The following PBX1 variants were observed in gnomAD, a reference collection of about 807,000 sequenced individuals.
PBX1 encodes the protein PBX homeobox 1, also known as pre-B-cell leukemia transcription factor 1.
A neutral mutation model predicts 53.4 loss-of-function variants in PBX1; 6 were observed. The ratio of observed to expected loss-of-function variants is 0.11; its 90% confidence interval spans 0.06 to 0.22. The LOEUF is 0.22. PBX1 is among the 10% of genes least tolerant of loss of function. PBX1 has a pLI of 1.00. For missense variants in PBX1, 251 were observed against 551.4 expected (o/e 0.46, Z 5.46); for synonymous variants, 204 against 212.3 (o/e 0.96, Z 0.34).
At chr1:164,884,445 C>A (rs530778063) in intron 2 of PBX1, 2 of 358,592 alleles carry the variant, frequency 5.6e-6, no homozygotes, top group African/African-American at 2.2e-5. Flanking sequence ...AAACTGAAAT[C>A]GGTCAATTTG....
intron 8 of PBX1, among the ~76,000 whole-genome samples, chr1:164,835,019 G>T (rs1301821192): frequency 1.3e-5 from 2 of 152,140 alleles, no homozygotes; most frequent in African/African-American, 4.8e-5. Context: ...TAGCCTTCTA[G>T]CACTTTATGT....
intron 4 of PBX1, among the ~76,000 whole-genome samples, chr1:164,806,958 G>A (rs373051338): frequency 6.6e-6 from 1 of 152,244 alleles, no homozygotes; most frequent in East Asian, 1.9e-4. Context: ...AATTGACCGA[G>A]GATTCAAAAC....
intron 2 of PBX1, among the ~76,000 whole-genome samples, chr1:164,754,331 G>T (rs899042542): frequency 2.0e-5 from 3 of 152,180 alleles, no homozygotes; most frequent in African/African-American, 7.2e-5. Flanking sequence ...AGAAAGAGCC[G>T]CAGTAGGAGC....
intron 2 of PBX1, among the ~76,000 whole-genome samples, chr1:164,637,254 C>T (rs766811935): frequency 2.6e-5 from 4 of 152,204 alleles, no homozygotes; most frequent in Non-Finnish European, 5.9e-5. Context: ...TATTGACAGA[C>T]TGCTTTCCCT....
At chr1:164,877,944 G>T (rs1316259736) in intron 2 of PBX1, among the ~76,000 whole-genome samples, 1 of 152,050 alleles carries the variant, frequency 6.6e-6, no homozygotes, top group Non-Finnish European at 1.5e-5. Flanking sequence ...ACTAAAGTTA[G>T]CTTGCATTTT....
intron 2 of PBX1, among the ~76,000 whole-genome samples, chr1:164,868,580 G>T (rs1168030527): frequency 1.3e-5 from 2 of 152,192 alleles, no homozygotes; most frequent in African/African-American, 4.8e-5. Flanking sequence ...TGCCATTTTG[G>T]CTTGGAAATG....
At chr1:164,724,133 A>G (rs1325842492) in intron 2 of PBX1, among the ~76,000 whole-genome samples, 1 of 152,176 alleles carries the variant, frequency 6.6e-6, no homozygotes, top group Non-Finnish European at 1.5e-5. Context: ...TGTTGTTTGA[A>G]CAGAAAATGT....
At chr1:164,822,796 A>G (rs896920402) in intron 8 of PBX1, among the ~76,000 whole-genome samples, 1 of 152,198 alleles carries the variant, frequency 6.6e-6, no homozygotes, top group Non-Finnish European at 1.5e-5. Context: ...ATAGGATAGG[A>G]CTACTAAGTA....
Position 164,849,512 on chromosome 1 carries a change from C to A in PBX1, c.*2836C>A. On this transcript the variant is annotated 3_prime_UTR_variant, in exon 9 of 9. Coordinates refer to ENST00000420696, the MANE Select transcript of PBX1 (RefSeq NM_002585.4). ...CCTGGGAATTCACATGAGGCCAGTC[C>A]TACAGAGAGCAAGATGCACCCCAGG... 2 of 1,460,664 alleles carry A rather than the reference C, an allele frequency of 1.4e-6. No homozygotes were observed. Among genetic ancestry groups the A allele is most frequent in the Non-Finnish European group, 1.8e-6 (2 of 1,086,794 alleles). The allele number at this position is 1,460,664 out of a possible 1,614,324, so 90.5% of individuals were successfully genotyped here.
chr1:164,737,389 A>G (rs1171060083), intron 2 of PBX1, among the ~76,000 whole-genome samples: 2 of 152,214 alleles, frequency 1.3e-5, no homozygotes, highest in Non-Finnish European at 2.9e-5. Context: ...TCAATGAGGT[A>G]TAATTCACAT....
intron 2 of PBX1, among the ~76,000 whole-genome samples, chr1:164,570,711 G>A (rs889652864): frequency 1.3e-5 from 2 of 152,152 alleles, no homozygotes; most frequent in Admixed American, 1.3e-4. Context: ...ATAATCCTTT[G>A]TGTATATACG....
At chr1:164,621,134 G>A (rs555914365) in intron 2 of PBX1, among the ~76,000 whole-genome samples, 10 of 152,112 alleles carry the variant, frequency 6.6e-5, no homozygotes, top group African/African-American at 1.7e-4. Context: ...GACTACAGGC[G>A]CGTGACACCA....
At chr1:164,873,978 C>T (rs1289289300) in intron 2 of PBX1, among the ~76,000 whole-genome samples, 1 of 139,086 alleles carries the variant, frequency 7.2e-6, no homozygotes, top group Non-Finnish European at 1.5e-5. Flanking sequence ...TGTGGAGATA[C>T]ATTTGACCCA....
intron 2 of PBX1, among the ~76,000 whole-genome samples, chr1:164,745,025 A>G (rs1665820549): frequency 6.6e-6 from 1 of 152,178 alleles, no homozygotes; most frequent in Admixed American, 6.5e-5. Flanking sequence ...TACTGTTTCT[A>G]TTCCCATTTT....
intron 2 of PBX1, among the ~76,000 whole-genome samples, chr1:164,783,980 A>C (rs1668050652): frequency 6.6e-6 from 1 of 152,212 alleles, no homozygotes; most frequent in Non-Finnish European, 1.5e-5. Context: ...TGTAGAGAGA[A>C]GCTTTCATCT....
intron 2 of PBX1, chr1:164,769,408 AC>A: frequency 6.6e-6 from 1 of 152,324 alleles, no homozygotes; most frequent in East Asian, 1.9e-4. Flanking sequence ...AAGATGCTAT[AC>A]ATAAAGTGGG....
intron 2 of PBX1, among the ~76,000 whole-genome samples, chr1:164,873,859 T>G (rs1443510965): frequency 6.6e-6 from 1 of 152,112 alleles, no homozygotes; most frequent in Non-Finnish European, 1.5e-5. Context: ...AATGACAACC[T>G]TATACATAAG....
At chr1:164,636,593 T>C (rs1449149754) in intron 2 of PBX1, among the ~76,000 whole-genome samples, 1 of 152,140 alleles carries the variant, frequency 6.6e-6, no homozygotes, top group Non-Finnish European at 1.5e-5. Flanking sequence ...AAGGTCACAT[T>C]GAACTTTGGA....
chr1:164,650,197 A>C (rs575913946), intron 2 of PBX1, among the ~76,000 whole-genome samples: 1 of 150,792 alleles, frequency 6.6e-6, no homozygotes, highest in South Asian at 2.1e-4. Flanking sequence ...ACTCTTAGGC[A>C]TCTGGTGTAA....
Sources: allele counts gnomAD v4.1 joint callset (sites outside exome capture counted in the v4.1 genomes callset), GRCh38; gene constraint gnomAD v4.1.1; transcripts MANE v1.5; gene names NCBI Gene and HGNC (gene_info 2026-07-23, HGNC 2026-07-21).